The following GRIN2A variants were observed in gnomAD, a reference collection of about 807,000 sequenced individuals.
GRIN2A encodes glutamate ionotropic receptor NMDA type subunit 2A, also known as glutamate receptor ionotropic, NMDA 2A.
GRIN2A carries 22 observed loss-of-function variants against 113.4 expected under a neutral mutation model. The observed-to-expected ratio is 0.19, with a 90% confidence interval of 0.14 to 0.28. The LOEUF (loss-of-function observed/expected upper bound fraction) is 0.28, where lower values mean the gene tolerates loss of function less well. Ranked by LOEUF, GRIN2A falls within the 10% of genes least tolerant of loss-of-function variation. GRIN2A has a pLI of 1.00. For synonymous variants in GRIN2A, 827 were observed against 738.4 expected, an observed-to-expected ratio of 1.12 and a Z score of -1.94; for missense variants, 1,502 against 1,887.0, an observed-to-expected ratio of 0.80 and a Z score of 3.78.
rs1361264303 is a variant in GRIN2A, at chr16:9,971,555, C to T, written c.415-33004G>A. Among the ~76,000 whole-genome samples, 3 of 152,194 alleles carry T rather than the reference C, an allele frequency of 2.0e-5. No individual in the cohort carries two copies. The East Asian group carries it at 5.8e-4, about 29-fold the overall frequency. On this transcript the variant is annotated intron_variant, in intron 2 of 12. Coordinates refer to ENST00000330684, the MANE Select transcript of GRIN2A (RefSeq NM_001134407.3). ...ATAAAATGATTCTTGTTTCTAGCTC[C>T]TGTATCTTGTAGCAAGAATATATAA...
chr16:9,775,950 C>G (rs979127794), intron 11 of GRIN2A, among the ~76,000 whole-genome samples: 1 of 152,162 alleles, frequency 6.6e-6, no homozygotes, highest in African/African-American at 2.4e-5. Flanking sequence ...CAACTCTATC[C>G]TGGTGACACA....
intron 2 of GRIN2A, among the ~76,000 whole-genome samples, chr16:10,051,617 C>A (rs1298786436): frequency 1.3e-5 from 2 of 152,168 alleles, no homozygotes; most frequent in African/African-American, 2.4e-5. Context: ...GGGACTGGAC[C>A]ATTCGAATTG....
chr16:9,967,381 G>T (rs1245088891), intron 2 of GRIN2A, among the ~76,000 whole-genome samples: 1 of 152,188 alleles, frequency 6.6e-6, no homozygotes, highest in Non-Finnish European at 1.5e-5. Context: ...TTATAAGTGG[G>T]AGCTAAGCTA....
chr16:9,862,047 T>C (rs2043078219), intron 4 of GRIN2A, among the ~76,000 whole-genome samples: 1 of 152,192 alleles, frequency 6.6e-6, no homozygotes, highest in African/African-American at 2.4e-5. Flanking sequence ...GGATCCTGAC[T>C]TTTCAACCAG....
At chr16:9,882,138 G>A (rs1242953872) in intron 4 of GRIN2A, among the ~76,000 whole-genome samples, 2 of 152,084 alleles carry the variant, frequency 1.3e-5, no homozygotes, top group African/African-American at 4.8e-5. Context: ...AACTCACTGG[G>A]CCCTGCTAGG....
At chr16:9,928,102 A>T (rs1411225249) in intron 3 of GRIN2A, among the ~76,000 whole-genome samples, 3 of 152,208 alleles carry the variant, frequency 2.0e-5, no homozygotes, top group African/African-American at 4.8e-5. Context: ...ATCACGCTGG[A>T]CCGTGACTCC....
intron 2 of GRIN2A, among the ~76,000 whole-genome samples, chr16:10,062,579 G>A (rs989315774): frequency 1.3e-5 from 2 of 152,158 alleles, no homozygotes; most frequent in Non-Finnish European, 2.9e-5. Flanking sequence ...AACACGCCGG[G>A]CACAGTGGCT....
intron 2 of GRIN2A, among the ~76,000 whole-genome samples, chr16:10,015,257 AAAAAAAAAAAAAAAG>A: frequency 7.5e-6 from 1 of 133,904 alleles, no homozygotes; most frequent in Non-Finnish European, 1.6e-5. Flanking sequence ...CATCTCAAAA[AAAAAAAAAAAAAAAG>A]AAAAAAAAAA....
At chr16:10,060,286 G>C (rs565000254) in intron 2 of GRIN2A, among the ~76,000 whole-genome samples, 2 of 152,154 alleles carry the variant, frequency 1.3e-5, no homozygotes, top group Non-Finnish European at 2.9e-5. Flanking sequence ...AAATCAATAG[G>C]TACTAGGCAC....
At chr16:10,160,041 C>T (rs181498618) in intron 2 of GRIN2A, among the ~76,000 whole-genome samples, 4 of 152,214 alleles carry the variant, frequency 2.6e-5, no homozygotes, top group Non-Finnish European at 5.9e-5. Context: ...TTTGCTGACA[C>T]CTTCATTTTG....
At chr16:10,024,509 T>A (rs991666651) in intron 2 of GRIN2A, among the ~76,000 whole-genome samples, 1 of 152,244 alleles carries the variant, frequency 6.6e-6, no homozygotes, top group Non-Finnish European at 1.5e-5. Context: ...TGAGCCAACG[T>A]GCCCAGCCAA....
intron 8 of GRIN2A, among the ~76,000 whole-genome samples, chr16:9,831,757 C>G (rs1272580395): frequency 6.6e-6 from 1 of 151,508 alleles, no homozygotes; most frequent in Non-Finnish European, 1.5e-5. Flanking sequence ...CTCAAGTGAT[C>G]TGCCCACCTC....
chr16:10,030,732 C>T (rs907814764), intron 2 of GRIN2A, among the ~76,000 whole-genome samples: 1 of 152,104 alleles, frequency 6.6e-6, no homozygotes, highest in Non-Finnish European at 1.5e-5. Flanking sequence ...GCTCTCTGGC[C>T]AGGAGTCATT....
chr16:9,860,637 T>A (rs1302666170), intron 4 of GRIN2A, among the ~76,000 whole-genome samples: 1 of 151,970 alleles, frequency 6.6e-6, no homozygotes, highest in African/African-American at 2.4e-5. Flanking sequence ...AGTGCAGAGA[T>A]AGAGTTTGTA....
intron 2 of GRIN2A, chr16:10,033,599 T>C (rs1166081766): frequency 6.6e-6 from 1 of 152,244 alleles, no homozygotes; most frequent in African/African-American, 2.4e-5. Flanking sequence ...ATGGTGATGG[T>C]TAATCTCAAG....
At chr16:9,986,901 G>C (rs756736676) in intron 2 of GRIN2A, among the ~76,000 whole-genome samples, 42 of 151,684 alleles carry the variant, frequency 2.8e-4, no homozygotes, top group Non-Finnish European at 5.2e-4. Context: ...ATTGTGTAGA[G>C]TGCTAGTAAT....
intron 2 of GRIN2A, among the ~76,000 whole-genome samples, chr16:10,167,451 C>G (rs1550961): frequency 0.22 from 33,433 of 152,106 alleles, 4,608 homozygotes; most frequent in East Asian, 0.48. Context: ...AAACAATTAA[C>G]CTTTTTCAAG....
chr16:10,060,212 C>T (rs2047527697), intron 2 of GRIN2A, among the ~76,000 whole-genome samples: 1 of 152,166 alleles, frequency 6.6e-6, no homozygotes, highest in South Asian at 2.1e-4. Flanking sequence ...AACAATCAGG[C>T]TACCGGAGCA....
At chr16:10,157,924 T>C (rs1483923514) in intron 2 of GRIN2A, among the ~76,000 whole-genome samples, 1 of 152,204 alleles carries the variant, frequency 6.6e-6, no homozygotes, top group Non-Finnish European at 1.5e-5. Flanking sequence ...GCTGTTATCT[T>C]CTGCTTATCA....
Sources: allele counts gnomAD v4.1 joint callset (sites outside exome capture counted in the v4.1 genomes callset), GRCh38; gene constraint gnomAD v4.1.1; transcripts MANE v1.5; gene names NCBI Gene and HGNC (gene_info 2026-07-23, HGNC 2026-07-21).